Variants in TTC7A observed in about 807,000 individuals in gnomAD.
TTC7A encodes tetratricopeptide repeat domain 7A, also known as tetratricopeptide repeat protein 7A.
Under a neutral mutation model 103.7 loss-of-function variants are expected in TTC7A, and 110 were observed. The ratio of observed to expected loss-of-function variants is 1.06; its 90% CI spans 0.91 to 1.24. TTC7A has a LOEUF of 1.24. TTC7A is among the 50% of genes most tolerant of loss of function. The pLI, the probability that TTC7A is intolerant of heterozygous loss-of-function variation, is 0.00. For synonymous variants in TTC7A, 521 were observed against 467.9 expected, an observed-to-expected ratio of 1.11 and a Z score of -1.47; for missense variants, 1,340 against 1,116.3, an observed-to-expected ratio of 1.20 and a Z score of -2.86.
intron 18 of TTC7A, chr2:47,054,319 C>G (rs1683140224): frequency 3.7e-6 from 1 of 273,632 alleles, no homozygotes; most frequent in Non-Finnish European, 5.6e-6. Context: ...CCTAGGGTAT[C>G]ACTGTCGTCC....
intron 3 of TTC7A, among the ~76,000 whole-genome samples, chr2:46,970,173 G>A (rs1673230161): frequency 6.6e-6 from 1 of 152,078 alleles, no homozygotes; most frequent in South Asian, 2.1e-4. Context: ...CTATTTTGGG[G>A]GGGACGGGGT....
intron 2 of TTC7A, among the ~76,000 whole-genome samples, chr2:46,955,763 G>A (rs1431819797): frequency 6.6e-6 from 1 of 152,224 alleles, no homozygotes; most frequent in Non-Finnish European, 1.5e-5. Flanking sequence ...AGGGACCCCA[G>A]ACTCTTACCT....
At chr2:47,044,379 C>G (rs1396757560) in intron 15 of TTC7A, among the ~76,000 whole-genome samples, 1 of 152,188 alleles carries the variant, frequency 6.6e-6, no homozygotes, top group Non-Finnish European at 1.5e-5. Context: ...GCCCCTGATA[C>G]TTATGGAGTG....
intron 15 of TTC7A, among the ~76,000 whole-genome samples, chr2:47,037,266 C>A (rs1190129939): frequency 6.6e-6 from 1 of 152,210 alleles, no homozygotes; most frequent in African/African-American, 2.4e-5. Context: ...ACTGGCCTCT[C>A]CTCTGCCTGC....
intron 2 of TTC7A, among the ~76,000 whole-genome samples, chr2:46,925,920 A>C (rs909021781): frequency 6.6e-6 from 1 of 152,250 alleles, no homozygotes; most frequent in Non-Finnish European, 1.5e-5. Context: ...ACACTACAAC[A>C]GTGCCACCCA....
rs147514908 is a variant in TTC7A, at chr2:46,993,526, G to C, written c.841G>C (p.Val281Leu). 76 of 1,614,018 alleles carry C rather than the reference G, an allele frequency of 4.7e-5. No homozygotes were observed. The highest frequency in any genetic ancestry group is 6.4e-5 in the Non-Finnish European group (75 of 1,179,998). Residue 281 changes from valine to leucine, a missense_variant and splice_region_variant, in exon 6 of 20, where the codon GTG becomes CTG. Val to Leu is a conservative substitution (Grantham distance 32). Coordinates refer to ENST00000319190, the MANE Select transcript of TTC7A (RefSeq NM_020458.4). ...GACCAAAGCAACTCAGAACTTCAAA[G>C]TGGTAATGTGGGGTGCTGGCAGTGC... ...VETKATQNFK[V>L]MAAKHLAGVL...
chr2:46,965,964 T>C (rs1672798032), intron 3 of TTC7A, among the ~76,000 whole-genome samples: 1 of 151,926 alleles, frequency 6.6e-6, no homozygotes, highest in Non-Finnish European at 1.5e-5. Context: ...CTTTTTTTTT[T>C]CTTGAGGTGG....
intron 15 of TTC7A, chr2:47,040,541 C>G (rs757754021): frequency 5.9e-5 from 9 of 152,272 alleles, no homozygotes; most frequent in African/African-American, 2.2e-4. Flanking sequence ...CATCTCCTTC[C>G]ATCGTCTTCC....
chr2:46,951,644 C>T, intron 2 of TTC7A: 1 of 456,276 alleles, frequency 2.2e-6, no homozygotes, highest in South Asian at 1.5e-5. Context: ...CTCCTGGGCT[C>T]AAGCGATCCT....
In TTC7A at chr2:47,075,115, G is replaced by A. The variant is rs1462549995; in HGVS notation, c.*1192G>A. ...CATCATAGCTCCACCTTCCTCGGAAGGAGTGGGCTGTTGGAGACCCCCCAT... is the reference window on the plus strand; with the variant it reads ...CATCATAGCTCCACCTTCCTCGGAAAGAGTGGGCTGTTGGAGACCCCCCAT... On this transcript the variant is annotated 3_prime_UTR_variant, in exon 20 of 20. Transcript: ENST00000319190. The A allele has an allele frequency of 6.6e-6, 1 of 152,236 alleles. No individual in the cohort carries two copies. The highest frequency in any genetic ancestry group is 2.4e-5 in the African/African-American group (1 of 41,458). 9.4% of individuals were successfully genotyped at this position (152,236 alleles called of 1,614,324 possible). A position where few individuals can be genotyped will look rare whatever the true frequency, so the allele number is the denominator to read the frequency against.
intron 14 of TTC7A, among the ~76,000 whole-genome samples, chr2:47,028,495 C>T (rs1031381530): frequency 6.6e-6 from 1 of 152,168 alleles, no homozygotes; most frequent in Admixed American, 6.5e-5. Context: ...GGCCTGCCCT[C>T]TTTCATGCAG....
At position 47,024,363 on chromosome 2, in the gene TTC7A, G is replaced by A. The variant is rs779771506; in HGVS notation, c.1641+4G>A. ...GCAGCTGGCCCTCGTCCGACAGGTG[G>A]GTTGTCCGTGTTCCTAACCCCCGGG... On this transcript the variant is annotated splice_donor_region_variant and intron_variant, in intron 14 of 19. Transcript: ENST00000319190. The A allele has an allele frequency of 8.5e-5, 136 of 1,604,642 alleles. No individual in the cohort carries two copies. The highest frequency in any genetic ancestry group is 1.1e-4 in the Non-Finnish European group (129 of 1,175,888).
chr2:47,060,664 T>C (rs1031070692), intron 18 of TTC7A, 105 bp from the exon 19 acceptor site: 1 of 1,039,720 alleles, frequency 9.6e-7, no homozygotes. Flanking sequence ...GGGATAGAGT[T>C]TGTCACCTAA....
intron 4 of TTC7A, among the ~76,000 whole-genome samples, chr2:46,976,351 C>T (rs910882389): frequency 1.3e-5 from 2 of 152,156 alleles, no homozygotes; most frequent in Admixed American, 1.3e-4. Context: ...GCTGTGAATG[C>T]TCGTGGGGAA....
intron 2 of TTC7A, among the ~76,000 whole-genome samples, chr2:46,954,505 A>G (rs188997251): frequency 2.0e-4 from 31 of 152,136 alleles, no homozygotes; most frequent in Admixed American, 1.8e-3. Flanking sequence ...TTACTGTGCT[A>G]TAACAGAAAA....
At chr2:47,029,131 G>C in intron 14 of TTC7A, 93 bp from the exon 15 acceptor site, 1 of 1,466,394 alleles carries the variant, frequency 6.8e-7, no homozygotes, top group Non-Finnish European at 9.4e-7. Context: ...CCCTTGAGTT[G>C]AGTGTGAGTG....
intron 19 of TTC7A, among the ~76,000 whole-genome samples, chr2:47,073,325 C>T (rs1284744499): frequency 6.6e-6 from 1 of 152,052 alleles, no homozygotes; most frequent in Non-Finnish European, 1.5e-5. Flanking sequence ...TCACCGCGCT[C>T]TCGAGAGAGA....
At chr2:47,065,818 T>C (rs1684137235) in intron 19 of TTC7A, 1 of 121,668 alleles carries the variant, frequency 8.2e-6, no homozygotes, top group Non-Finnish European at 1.8e-5. Context: ...GCAGCTTGTC[T>C]GCACTGCAAG....
At chr2:47,072,837 C>G (rs1460886335) in intron 19 of TTC7A, among the ~76,000 whole-genome samples, 1 of 152,194 alleles carries the variant, frequency 6.6e-6, no homozygotes, top group Admixed American at 6.5e-5. Context: ...CCACTCACTA[C>G]CCTGTCCACC....
Sources: allele counts gnomAD v4.1 joint callset (sites outside exome capture counted in the v4.1 genomes callset), GRCh38; gene constraint gnomAD v4.1.1; transcripts MANE v1.5; gene names NCBI Gene and HGNC (gene_info 2026-07-23, HGNC 2026-07-21).